FAM161B: variants seen among roughly 807,000 people sequenced by gnomAD.
FAM161B encodes FAM161 centrosomal protein B, also known as protein FAM161B.
In FAM161B, 46 loss-of-function variants were observed where a neutral mutation model predicts 61.5. The observed-to-expected ratio is 0.75, with a 90% CI of 0.59 to 0.96. The LOEUF (loss-of-function observed/expected upper bound fraction) is 0.96, where lower values mean the gene tolerates loss of function less well. FAM161B is among the 40% of genes least tolerant of loss of function. The pLI is 0.00. For missense variants in FAM161B, 774 were observed against 800.7 expected, an observed-to-expected ratio of 0.97 and a Z score of 0.40; for synonymous variants, 284 against 302.7, an observed-to-expected ratio of 0.94 and a Z score of 0.64.
chr14:73,938,619 A>T (rs909691136), intron 5 of FAM161B, among the ~76,000 whole-genome samples: 6 of 151,424 alleles, frequency 4.0e-5, no homozygotes, highest in Non-Finnish European at 7.4e-5. Context: ...AAAAATACAA[A>T]AAATTAGCCG....
intron 4 of FAM161B, 36 bp downstream of exon 4, chr14:73,942,328 GGCCGC>G: frequency 6.3e-7 from 1 of 1,579,354 alleles, no homozygotes; most frequent in South Asian, 1.2e-5. Flanking sequence ...CTGTATTTCA[GGCCGC>G]AGCCCTGACC....
At chr14:73,948,730 G>A (rs1304651322) in intron 1 of FAM161B, among the ~76,000 whole-genome samples, 1 of 152,038 alleles carries the variant, frequency 6.6e-6, no homozygotes, top group African/African-American at 2.4e-5. Context: ...AATGCCACAC[G>A]CTTTAGTGGT....
chr14:73,924,441 T>G, the FAM161B span, among the ~76,000 whole-genome samples: 170 of 152,272 alleles, frequency 1.1e-3, 2 homozygotes, highest in African/African-American at 4.0e-3. Flanking sequence ...AAAAAGGGTT[T>G]GAGGTTGAGC....
At chr14:73,949,827 G>A (rs571445790) in intron 1 of FAM161B, 146 bp downstream of exon 1, 492 of 1,184,730 alleles carry the variant, frequency 4.2e-4, no homozygotes, top group Admixed American at 1.2e-3. Flanking sequence ...AGGTCTGTAA[G>A]TCAGAGTCCG....
At chr14:73,945,013 A>G in intron 2 of FAM161B, 128 bp from the exon 3 acceptor site, 1 of 663,776 alleles carries the variant, frequency 1.5e-6, no homozygotes, top group South Asian at 4.3e-5. Context: ...CCACAGCCCC[A>G]CAGGCCTCTA....
chr14:73,940,424 C>G (rs2056007883), intron 5 of FAM161B, among the ~76,000 whole-genome samples: 1 of 152,192 alleles, frequency 6.6e-6, no homozygotes, highest in Non-Finnish European at 1.5e-5. Flanking sequence ...CTACTCCCTT[C>G]CTCTCACCCA....
At position 73,944,767 on chromosome 14, in the gene FAM161B, A is replaced by G; in HGVS notation, c.493T>C (p.Trp165Arg). The change falls in exon 3 of 9, where the codon TGG becomes CGG. Residue 165 changes from tryptophan to arginine, a missense_variant. Coordinates refer to ENST00000286544, the MANE Select transcript of FAM161B (RefSeq NM_152445.3). ...PPSQHRSVSS[W>R]ASSITVPRPF... The stretch of plus-strand genomic sequence containing the variant: ...CGAGGGACAGTAATGGATGATGCCC[A>G]GGAGCTGACGCTTCTGTGCTGGGAG... 1.3e-6 allele frequency: 2 copies of G among 1,593,262 alleles called. No individual in the cohort carries two copies. Among genetic ancestry groups the G allele is most frequent in the Non-Finnish European group, 8.6e-7 (1 of 1,167,188 alleles).
chr14:73,930,657 C>T (rs1369402159), downstream of FAM161B, among the ~76,000 whole-genome samples: 1 of 151,560 alleles, frequency 6.6e-6, no homozygotes, highest in Non-Finnish European at 1.5e-5. Context: ...GAGTGCAGTG[C>T]AGTGGCATGA....
rs2056068808 is a variant in FAM161B, at chr14:73,946,509, G to A, written c.151C>T (p.Leu51Phe). 6.2e-7 allele frequency: 1 copy of A among 1,614,064 alleles called. No individual in the cohort carries two copies. The highest frequency in any genetic ancestry group is 1.7e-5 in the Admixed American group (1 of 59,994). The change falls in exon 2 of 9, where the codon CTC becomes TTC. Residue 51 changes from leucine to phenylalanine, a missense_variant. By Grantham distance (22) the Leu-to-Phe change is conservative. Transcript: ENST00000286544. ...GAATCTATCTCCTCCTCTGGGCTGA[G>A]GAACTCGTCAAGTTTGCTGGCCCTG... ...LPRASKLDEF[L>F]SPEEEIDSTS...
In FAM161B at chr14:73,934,170, C is replaced by A. The variant is rs1256416976; in HGVS notation, c.*86G>T. On this transcript the variant is annotated 3_prime_UTR_variant, in exon 9 of 9. Coordinates refer to ENST00000286544, the MANE Select transcript of FAM161B (RefSeq NM_152445.3). ...GTCCATCCTCTAACAGTAGCCATGA[C>A]TCAAAACCCAAGTTTTCCCTGCCTT... 3.3e-6 allele frequency: 5 copies of A among 1,522,076 alleles called. No individual in the cohort carries two copies. The Admixed American group carries it at 8.0e-5, about 24-fold the overall frequency. 94.3% of individuals were successfully genotyped at this position (1,522,076 alleles called of 1,614,324 possible).
At chr14:73,923,541 CTT>C in the FAM161B span, 7 of 1,604,494 alleles carry the variant, frequency 4.4e-6, no homozygotes, top group African/African-American at 8.0e-5. Context: ...GTCTCTTGCC[CTT>C]TGTTTCTGTG....
intron 1 of FAM161B, among the ~76,000 whole-genome samples, chr14:73,949,177 A>G (rs2056100906): frequency 6.6e-6 from 1 of 152,156 alleles, no homozygotes; most frequent in African/African-American, 2.4e-5. Context: ...ATCTCGGCTC[A>G]CTGCAACCTC....
At chr14:73,949,936 AT>A in intron 1 of FAM161B, 36 bp downstream of exon 1, 1 of 1,610,564 alleles carries the variant, frequency 6.2e-7, no homozygotes, top group Non-Finnish European at 8.5e-7. Flanking sequence ...CCTCTCCGGG[AT>A]TCCTTTCCCG....
At chr14:73,931,538 A>G (rs1041067056), downstream of FAM161B, 9 of 1,609,028 alleles carry the variant, frequency 5.6e-6, no homozygotes, top group Middle Eastern at 1.7e-4. Flanking sequence ...AAAGACGGAC[A>G]TGAGCGTGGG....
chr14:73,949,910 C>T, intron 1 of FAM161B, 63 bp downstream of exon 1: 1 of 1,598,128 alleles, frequency 6.3e-7, no homozygotes, highest in Non-Finnish European at 8.5e-7. Flanking sequence ...GTCTCCAAGG[C>T]AACGCCCAAC....
intron 5 of FAM161B, among the ~76,000 whole-genome samples, chr14:73,939,308 T>A (rs574401230): frequency 1.2e-4 from 19 of 152,092 alleles, no homozygotes; most frequent in South Asian, 1.0e-3. Flanking sequence ...CGAAAAAAAA[T>A]ATATATATCC....
Position 73,932,530 on chromosome 14 carries a change from G to GT in FAM161B, c.*1725dup, listed in dbSNP as rs1157441449. The GT allele has an allele frequency of 9.0e-6, 4 of 442,216 alleles. No individual in the cohort carries two copies. Among genetic ancestry groups the GT allele is most frequent in the Non-Finnish European group, 1.8e-5 (4 of 223,618 alleles). 27.4% of individuals were successfully genotyped at this position (442,216 alleles called of 1,614,324 possible). On this transcript the variant is annotated 3_prime_UTR_variant, in exon 9 of 9. Transcript: ENST00000286544. The stretch of plus-strand genomic sequence containing the variant: ...ACTTCTGAATTTTTCCACAAAGATA[G>GT]TTTTTTTAAAAAAGCTTGAGAAAGG...
rs748282536 is a variant in FAM161B, at chr14:73,944,432, GTCTC to G, written c.824_827del (p.Arg275ThrfsTer45). On this transcript the variant is annotated frameshift_variant, in exon 3 of 9. Coordinates refer to ENST00000286544, the MANE Select transcript of FAM161B (RefSeq NM_152445.3). LOFTEE classifies it high-confidence loss of function. Reference sequence around the variant, plus strand: ...TCTTGGCTTCAGCTGTGGCTGCCAAGTCTCTCTGTCGAGCAGCTTCCTTTAGCTG... The same window carrying G: ...TCTTGGCTTCAGCTGTGGCTGCCAAGTCTGTCGAGCAGCTTCCTTTAGCTG... 8.1e-6 allele frequency: 13 copies of G among 1,613,340 alleles called. No homozygotes were observed. Among genetic ancestry groups the G allele is most frequent in the Non-Finnish European group, 1.1e-5 (13 of 1,179,354 alleles).
chr14:73,936,173 T>A, intron 7 of FAM161B, 85 bp from the exon 8 acceptor site: 1 of 1,402,042 alleles, frequency 7.1e-7, no homozygotes, highest in Non-Finnish European at 9.5e-7. Context: ...GTTACAATAC[T>A]GCCACAACCA....
Sources: allele counts gnomAD v4.1 joint callset (sites outside exome capture counted in the v4.1 genomes callset), GRCh38; gene constraint gnomAD v4.1.1; transcripts MANE v1.5; gene names NCBI Gene and HGNC (gene_info 2026-07-23, HGNC 2026-07-21).